The following ETFA variants were observed in gnomAD, a reference collection of about 807,000 sequenced individuals.
The protein encoded by ETFA is electron transfer flavoprotein subunit alpha, mitochondrial.
ETFA carries 22 observed loss-of-function variants against 46.2 expected under a neutral mutation model. The observed-to-expected ratio is 0.48, with a 90% CI of 0.34 to 0.68. The LOEUF is 0.68. Among genes scored for constraint, ETFA ranks in the 30% least tolerant of loss-of-function variants. The pLI is 0.01. For missense variants in ETFA, 345 were observed against 401.1 expected (o/e 0.86, Z 1.19); for synonymous variants, 131 against 139.9 (o/e 0.94, Z 0.45).
intron 1 of ETFA, among the ~76,000 whole-genome samples, chr15:76,298,110 T>C (rs1339488694): frequency 6.6e-6 from 1 of 151,990 alleles, no homozygotes; most frequent in African/African-American, 2.4e-5. Context: ...TGGCGTGCTC[T>C]TGACTCACTG....
rs35295593 is a variant in ETFA at position 76,288,920 on chromosome 15, C to CTTT, written c.352-978_352-976dup. ...TCAGTTAATTCTTCTTCTTCTTCTT[C>CTTT]TTTTTTTTTTTTTTTGGAAACAGGG... On this transcript the variant is annotated intron_variant, in intron 4 of 11. Transcript: ENST00000557943. 4.0e-3 allele frequency among the ~76,000 whole-genome samples: 438 copies of CTTT among 110,090 alleles called. 17 individuals are homozygous for CTTT. Among genetic ancestry groups the CTTT allele is most frequent in the African/African-American group, 0.014 (412 of 29,824 alleles). The allele number at this position is 110,090 out of a possible 152,430, so 72.2% of individuals were successfully genotyped here. A position where few individuals can be genotyped will look rare whatever the true frequency, so the allele number is the denominator to read the frequency against.
At position 76,216,370 on chromosome 15, in the gene ETFA, A is replaced by G. The variant is rs1446295522; in HGVS notation, c.*189T>C. On this transcript the variant is annotated 3_prime_UTR_variant, in exon 12 of 12. Transcript: ENST00000557943. ...AAAAGTTCAAACAATAATTGTTTGG[A>G]ACCACAAATAATTAAAAGGAAACAC... is the stretch of plus-strand genomic sequence containing the variant. The G allele has an allele frequency of 3.5e-6, 2 of 572,346 alleles. No homozygotes were observed. Among genetic ancestry groups the G allele is most frequent in the East Asian group, 5.8e-5 (2 of 34,558 alleles). 35.5% of individuals were successfully genotyped at this position (572,346 alleles called of 1,614,324 possible).
intron 1 of ETFA, among the ~76,000 whole-genome samples, chr15:76,302,676 T>C (rs559002119): frequency 5.3e-5 from 8 of 152,254 alleles, no homozygotes; most frequent in Admixed American, 1.3e-4. Flanking sequence ...CTATGGACTC[T>C]GGGAAATGCT....
intron 10 of ETFA, among the ~76,000 whole-genome samples, chr15:76,228,588 T>C (rs1407320006): frequency 6.6e-6 from 1 of 152,130 alleles, no homozygotes; most frequent in African/African-American, 2.4e-5. Flanking sequence ...TTATTGTTCT[T>C]CAGATTATTA....
At chr15:76,304,063 G>A (rs1385866309) in intron 1 of ETFA, among the ~76,000 whole-genome samples, 1 of 152,172 alleles carries the variant, frequency 6.6e-6, no homozygotes, top group Admixed American at 6.5e-5. Flanking sequence ...GATGGACTGG[G>A]TAAAGAAAAT....
At chr15:76,255,124 G>A (rs1438197551) in intron 9 of ETFA, among the ~76,000 whole-genome samples, 1 of 152,088 alleles carries the variant, frequency 6.6e-6, no homozygotes, top group Non-Finnish European at 1.5e-5. Context: ...AGATGAAACC[G>A]ATAACAGAGT....
intron 9 of ETFA, among the ~76,000 whole-genome samples, chr15:76,255,843 G>A (rs752532804): frequency 6.6e-6 from 1 of 151,874 alleles, no homozygotes; most frequent in Admixed American, 6.6e-5. Context: ...CTGCCTTAGT[G>A]GTAGTTTCAA....
intron 9 of ETFA, chr15:76,260,755 TG>T (rs2039402204): frequency 2.5e-6 from 4 of 1,604,542 alleles, no homozygotes; most frequent in Non-Finnish European, 3.4e-6. Context: ...GCTAGACCCT[TG>T]GTCTGAAAGG....
At chr15:76,219,341 A>G (rs1403920566) in intron 11 of ETFA, among the ~76,000 whole-genome samples, 2 of 152,182 alleles carry the variant, frequency 1.3e-5, no homozygotes, top group Admixed American at 1.3e-4. Flanking sequence ...TGGATCAACA[A>G]CCTAAATATA....
At chr15:76,260,204 G>A in intron 9 of ETFA, 2 of 1,089,486 alleles carry the variant, frequency 1.8e-6, no homozygotes, top group Non-Finnish European at 2.7e-6. Flanking sequence ...TTAGTTCGCT[G>A]TTGATGCCCA....
In ETFA at chr15:76,223,265, T is replaced by C. The variant is rs1390217869; in HGVS notation, c.963+2584A>G. On this transcript the variant is annotated intron_variant, in intron 11 of 11. Coordinates refer to ENST00000557943, the MANE Select transcript of ETFA (RefSeq NM_000126.4). Reference sequence around the variant, plus strand: ...CAGAGTCTTGCTCTGTTGCCTAGGCTGGAGTCCACTGGCACCATCTTGGCT... The same window carrying C: ...CAGAGTCTTGCTCTGTTGCCTAGGCCGGAGTCCACTGGCACCATCTTGGCT... Among the ~76,000 whole-genome samples, 7 of 143,072 alleles carry C rather than the reference T, an allele frequency of 4.9e-5. No individual in the cohort carries two copies. In the East Asian group the frequency reaches 1.5e-3, roughly 30 times the overall value. The allele number at this position is 143,072 out of a possible 152,430, so 93.9% of individuals were successfully genotyped here.
intron 8 of ETFA, among the ~76,000 whole-genome samples, chr15:76,281,967 A>G (rs1319821903): frequency 7.3e-6 from 1 of 137,704 alleles, no homozygotes; most frequent in Non-Finnish European, 1.5e-5. Context: ...ACAGTGGCAC[A>G]GTCTCAGCTT....
chr15:76,309,775 T>G (rs1455931042), intron 1 of ETFA, among the ~76,000 whole-genome samples: 1 of 152,088 alleles, frequency 6.6e-6, no homozygotes, highest in Non-Finnish European at 1.5e-5. Flanking sequence ...TCCTGGAATT[T>G]CCCCAAATTC....
chr15:76,259,466 G>A, intron 9 of ETFA: 2 of 910,188 alleles, frequency 2.2e-6, no homozygotes, highest in Non-Finnish European at 3.7e-6. Flanking sequence ...GCTGTTTCAG[G>A]TGATTCCCGC....
chr15:76,270,125 G>A (rs1365330571), intron 9 of ETFA, among the ~76,000 whole-genome samples: 1 of 152,184 alleles, frequency 6.6e-6, no homozygotes, highest in Non-Finnish European at 1.5e-5. Flanking sequence ...TAGTTGGTAG[G>A]AGTGTAAAAT....
At chr15:76,263,932 C>G (rs2039445140) in intron 9 of ETFA, among the ~76,000 whole-genome samples, 1 of 152,220 alleles carries the variant, frequency 6.6e-6, no homozygotes, top group African/African-American at 2.4e-5. Flanking sequence ...CCTCTCTCCC[C>G]CTTACTGGGT....
intron 9 of ETFA, among the ~76,000 whole-genome samples, chr15:76,269,632 C>T (rs1756310554): frequency 6.6e-6 from 1 of 152,158 alleles, no homozygotes; most frequent in African/African-American, 2.4e-5. Flanking sequence ...TTGACTCCTC[C>T]GGATTTTGTA....
chr15:76,309,187 C>T (rs552849721), intron 1 of ETFA, among the ~76,000 whole-genome samples: 2 of 152,292 alleles, frequency 1.3e-5, no homozygotes, highest in African/African-American at 2.4e-5. Flanking sequence ...CGGTGGCTCA[C>T]GCCTGTAATC....
At position 76,237,621 on chromosome 15, in the gene ETFA, T is replaced by C. The variant is rs547381993; in HGVS notation, c.817-6223A>G. 3.9e-4 allele frequency among the ~76,000 whole-genome samples: 60 copies of C among 152,304 alleles called. 1 individual carries two copies. The highest frequency in any genetic ancestry group is 1.4e-3 in the African/African-American group (59 of 41,560). On this transcript the variant is annotated intron_variant, in intron 9 of 11. Transcript: ENST00000557943. ...AATGGAGACAAATACCTGCAGCTAA[T>C]AGGATTGTTGTGATGATGAAAATAA...
Sources: gnomAD v4.1 joint callset for allele counts (sites outside exome capture counted in the v4.1 genomes callset) on GRCh38, gnomAD v4.1.1 for gene constraint, MANE v1.5 for transcripts, NCBI Gene and HGNC (gene_info 2026-07-23, HGNC 2026-07-21) for gene names.